The following TMEM132C variants were observed in gnomAD, a reference collection of about 807,000 sequenced individuals.
The protein encoded by TMEM132C is protein phosphatase 1, regulatory subunit 152.
A neutral mutation model predicts 61.4 loss-of-function variants in TMEM132C; 29 were observed. The observed-to-expected ratio is 0.47, with a 90% CI of 0.35 to 0.64. TMEM132C has a LOEUF of 0.64. Ranked by LOEUF, TMEM132C falls within the 30% of genes least tolerant of loss-of-function variation. TMEM132C has a pLI of 0.00. For missense variants in TMEM132C, 1,408 were observed against 1,476.9 expected (o/e 0.95, Z 0.76); for synonymous variants, 656 against 633.1 (o/e 1.04, Z -0.54).
At chr12:128,430,387 G>T (rs1869343927) in intron 2 of TMEM132C, among the ~76,000 whole-genome samples, 1 of 152,134 alleles carries the variant, frequency 6.6e-6, no homozygotes, top group Non-Finnish European at 1.5e-5. Context: ...AACCAGTTAG[G>T]CCTCTTACGT....
At chr12:128,461,315 G>C (rs1337444197) in intron 2 of TMEM132C, among the ~76,000 whole-genome samples, 1 of 152,144 alleles carries the variant, frequency 6.6e-6, no homozygotes, top group Admixed American at 6.6e-5. Context: ...CATTGTGGGT[G>C]GGGGAGGCCT....
At chr12:128,333,781 G>A (rs1872725680) in intron 1 of TMEM132C, among the ~76,000 whole-genome samples, 1 of 151,276 alleles carries the variant, frequency 6.6e-6, no homozygotes, top group Admixed American at 6.6e-5. Flanking sequence ...TATGTATGGT[G>A]TATATATGTG....
At chr12:128,644,280 A>G (rs975474606) in intron 4 of TMEM132C, among the ~76,000 whole-genome samples, 6 of 152,258 alleles carry the variant, frequency 3.9e-5, no homozygotes, top group Admixed American at 3.9e-4. Context: ...ACATGGAGAT[A>G]GGAAGGGAAA....
intron 2 of TMEM132C, among the ~76,000 whole-genome samples, chr12:128,445,858 G>T (rs1387933611): frequency 1.3e-5 from 2 of 152,206 alleles, no homozygotes; most frequent in Non-Finnish European, 2.9e-5. Context: ...TCTATCTTCA[G>T]ACAGGCAGCC....
intron 2 of TMEM132C, among the ~76,000 whole-genome samples, chr12:128,541,887 A>T (rs1873770683): frequency 6.6e-6 from 1 of 152,120 alleles, no homozygotes; most frequent in African/African-American, 2.4e-5. Flanking sequence ...CCCGCCTGCG[A>T]ATCTCAGCAT....
At chr12:128,583,954 G>T (rs1875444725) in intron 3 of TMEM132C, among the ~76,000 whole-genome samples, 1 of 152,208 alleles carries the variant, frequency 6.6e-6, no homozygotes, top group African/African-American at 2.4e-5. Context: ...AAATGAGTAG[G>T]AGAAGACCTA....
At chr12:128,641,264 A>C (rs2135599769) in intron 4 of TMEM132C, among the ~76,000 whole-genome samples, 1 of 152,178 alleles carries the variant, frequency 6.6e-6, no homozygotes, top group African/African-American at 2.4e-5. Flanking sequence ...CCTCAATAAC[A>C]CTAAGACAAC....
intron 1 of TMEM132C, among the ~76,000 whole-genome samples, chr12:128,378,132 T>G (rs1189655770): frequency 5.0e-5 from 6 of 120,792 alleles, no homozygotes. Flanking sequence ...TTTTTTTTTT[T>G]GACATGGAGT....
intron 2 of TMEM132C, among the ~76,000 whole-genome samples, chr12:128,452,481 A>C: frequency 6.7e-6 from 1 of 150,238 alleles, no homozygotes; most frequent in South Asian, 2.1e-4. Context: ...ACACTCTGGG[A>C]GGCCGGGGTG....
At chr12:128,325,168 TA>T (rs1217881707) in intron 1 of TMEM132C, among the ~76,000 whole-genome samples, 1 of 152,198 alleles carries the variant, frequency 6.6e-6, no homozygotes, top group Non-Finnish European at 1.5e-5. Context: ...TGCATGTTCT[TA>T]TTTATTGTCA....
intron 2 of TMEM132C, among the ~76,000 whole-genome samples, chr12:128,445,936 T>C (rs908031538): frequency 6.6e-6 from 1 of 152,130 alleles, no homozygotes; most frequent in Admixed American, 6.6e-5. Flanking sequence ...AATTGAGTCA[T>C]AATGAACGTG....
chr12:128,555,092 TGCAG>T (rs1470259048), intron 3 of TMEM132C, among the ~76,000 whole-genome samples: 1 of 152,198 alleles, frequency 6.6e-6, no homozygotes, highest in Non-Finnish European at 1.5e-5. Flanking sequence ...GACTCTCTGC[TGCAG>T]GGGAGAAAAG....
chr12:128,675,286 C>A (rs1954572300), intron 5 of TMEM132C, among the ~76,000 whole-genome samples: 1 of 152,100 alleles, frequency 6.6e-6, no homozygotes, highest in Admixed American at 6.5e-5. Context: ...CATACCAACT[C>A]ATTTACTACT....
At chr12:128,613,483 A>C (rs554844603) in intron 3 of TMEM132C, among the ~76,000 whole-genome samples, 1 of 152,302 alleles carries the variant, frequency 6.6e-6, no homozygotes, top group African/African-American at 2.4e-5. Context: ...CCAAGAACAC[A>C]TCTCTTAGTT....
chr12:128,453,594 A>G (rs1870250088), intron 2 of TMEM132C, among the ~76,000 whole-genome samples: 1 of 152,210 alleles, frequency 6.6e-6, no homozygotes, highest in South Asian at 2.1e-4. Context: ...TGACAAAGTC[A>G]TGTTGCAAGC....
chr12:128,446,535 C>T lies in TMEM132C; in HGVS notation c.974+30915C>T, dbSNP rs368944534. 7.9e-5 allele frequency among the ~76,000 whole-genome samples: 12 copies of T among 152,338 alleles called. No individual in the cohort carries two copies. The East Asian group carries it at 1.9e-3, about 24-fold the overall frequency. ...CTCAAAGGCATTTAAATTTCTCCAT[C>T]TCAGTTCTTTAATCAACTATTTAGC... On this transcript the variant is annotated intron_variant, in intron 2 of 8. Transcript: ENST00000435159.
At chr12:128,617,104 A>T (rs1317158882) in intron 4 of TMEM132C, among the ~76,000 whole-genome samples, 3 of 152,224 alleles carry the variant, frequency 2.0e-5, no homozygotes, top group Non-Finnish European at 4.4e-5. Flanking sequence ...TCACAGGAAC[A>T]TTTTGAGTAG....
intron 2 of TMEM132C, among the ~76,000 whole-genome samples, chr12:128,440,430 A>T (rs148541096): frequency 6.6e-6 from 1 of 152,344 alleles, no homozygotes; most frequent in East Asian, 1.9e-4. Flanking sequence ...CCATGCCCAG[A>T]GTAATAGCCA....
At chr12:128,628,232 C>T (rs1037193234) in intron 4 of TMEM132C, among the ~76,000 whole-genome samples, 5 of 152,132 alleles carry the variant, frequency 3.3e-5, no homozygotes, top group Admixed American at 6.5e-5. Context: ...AGCCTTGAAC[C>T]GGTCATCTCC....
Sources: allele counts gnomAD v4.1 joint callset (sites outside exome capture counted in the v4.1 genomes callset), GRCh38; gene constraint gnomAD v4.1.1; transcripts MANE v1.5; gene names NCBI Gene and HGNC (gene_info 2026-07-23, HGNC 2026-07-21).